The following NKAIN3 variants were observed in gnomAD, a reference collection of about 807,000 sequenced individuals.
NKAIN3 encodes the protein sodium/potassium-transporting ATPase subunit beta-1-interacting protein 3.
Under a neutral mutation model 30.2 loss-of-function variants are expected in NKAIN3, and 25 were observed. That is an observed-to-expected ratio of 0.83 (90% CI 0.60 to 1.16). The LOEUF is 1.16. NKAIN3 is among the 50% of genes most tolerant of loss of function. The probability of loss-of-function intolerance (pLI) is 0.00; values close to 1 mark genes in which losing one functional copy is unlikely to be tolerated. For missense variants in NKAIN3, 225 were observed against 254.1 expected, an observed-to-expected ratio of 0.89 and a Z score of 0.78; for synonymous variants, 91 against 89.6, an observed-to-expected ratio of 1.02 and a Z score of -0.09.
At chr8:62,650,082 A>AG (rs1214714243) in intron 3 of NKAIN3, among the ~76,000 whole-genome samples, 2 of 152,066 alleles carry the variant, frequency 1.3e-5, no homozygotes, top group Non-Finnish European at 2.9e-5. Context: ...TGAAAAAAAA[A>AG]CTGCATTTTG....
chr8:62,789,100 T>C (rs192011072), intron 4 of NKAIN3, among the ~76,000 whole-genome samples: 4,042 of 152,160 alleles, frequency 0.027, 180 homozygotes, highest in African/African-American at 0.091. Flanking sequence ...GGGGATGGCA[T>C]TGAATCTCTA....
At chr8:62,749,669 T>TTTTTC in intron 4 of NKAIN3, among the ~76,000 whole-genome samples, 6 of 136,308 alleles carry the variant, frequency 4.4e-5, no homozygotes, top group African/African-American at 1.6e-4. Flanking sequence ...GAATTGTGCT[T>TTTTTC]TTTTCTTTTC....
intron 1 of NKAIN3, among the ~76,000 whole-genome samples, chr8:62,293,187 T>A (rs74382517): frequency 0.062 from 9,456 of 152,192 alleles, 978 homozygotes; most frequent in African/African-American, 0.21. Context: ...ATCCTCCTTT[T>A]TCTCGGAGAA....
chr8:62,947,525 T>A (rs1471089461), intron 5 of NKAIN3, among the ~76,000 whole-genome samples: 1 of 152,200 alleles, frequency 6.6e-6, no homozygotes, highest in Non-Finnish European at 1.5e-5. Context: ...GTCACAACAG[T>A]ATTTCCTGTC....
intron 3 of NKAIN3, among the ~76,000 whole-genome samples, chr8:62,688,424 G>A (rs1813860502): frequency 6.6e-6 from 1 of 152,102 alleles, no homozygotes; most frequent in Non-Finnish European, 1.5e-5. Context: ...GTAGATGTTT[G>A]CTAAACATTA....
At chr8:62,948,793 CA>C (rs1469969175) in intron 5 of NKAIN3, among the ~76,000 whole-genome samples, 1 of 152,192 alleles carries the variant, frequency 6.6e-6, no homozygotes, top group African/African-American at 2.4e-5. Flanking sequence ...GATCTTGCTT[CA>C]ATTTGCCCAG....
At chr8:62,564,416 A>G (rs1378051563) in intron 1 of NKAIN3, among the ~76,000 whole-genome samples, 1 of 152,124 alleles carries the variant, frequency 6.6e-6, no homozygotes. Flanking sequence ...CCGACCAGGC[A>G]TTTTTAAAGA....
intron 1 of NKAIN3, among the ~76,000 whole-genome samples, chr8:62,299,172 A>T (rs1304603489): frequency 1.3e-5 from 2 of 152,144 alleles, no homozygotes; most frequent in Non-Finnish European, 2.9e-5. Context: ...CAGAAAAAAA[A>T]ATTTGTTGTT....
intron 4 of NKAIN3, among the ~76,000 whole-genome samples, chr8:62,838,356 A>G (rs1037207908): frequency 5.3e-5 from 8 of 152,012 alleles, no homozygotes; most frequent in African/African-American, 1.9e-4. Context: ...ACACACATAC[A>G]CACATATATA....
rs186376738 is a variant in NKAIN3 at position 62,612,308 on chromosome 8, T to C, written c.273+22514T>C. ...TCTGGGTGCTCTCACATTGGGTGCG[T>C]ATATATTTAAAATTGTTATATCCTC... is the stretch of plus-strand genomic sequence containing the variant. On this transcript the variant is annotated intron_variant, in intron 3 of 6. Transcript: ENST00000623646. Among the ~76,000 whole-genome samples, 9 of 152,116 alleles carry C rather than the reference T, an allele frequency of 5.9e-5. No individual in the cohort carries two copies. The East Asian group carries it at 7.7e-4, about 13-fold the overall frequency.
Position 62,880,061 on chromosome 8 carries a change from G to A in NKAIN3, c.472-38392G>A, listed in dbSNP as rs187251467. Among the ~76,000 whole-genome samples, 408 of 152,298 alleles carry A rather than the reference G, an allele frequency of 2.7e-3. 3 individuals are homozygous for A. The highest frequency in any genetic ancestry group is 3.1e-3 in the Non-Finnish European group (212 of 68,016). ...AAGAGATCGCCAGTCCCTACATTAA[G>A]ATGAGCATGTAATACCACATGCCAG... On this transcript the variant is annotated intron_variant, in intron 4 of 6. Coordinates refer to ENST00000623646, the MANE Select transcript of NKAIN3 (RefSeq NM_001304533.3).
chr8:62,780,413 G>A (rs1190041959), intron 4 of NKAIN3, among the ~76,000 whole-genome samples: 1 of 151,950 alleles, frequency 6.6e-6, no homozygotes, highest in African/African-American at 2.4e-5. Context: ...TAAAGAGGAG[G>A]GAATTCTCCC....
chr8:62,756,873 T>C (rs1021236297), intron 4 of NKAIN3, among the ~76,000 whole-genome samples: 1 of 152,176 alleles, frequency 6.6e-6, no homozygotes, highest in Admixed American at 6.6e-5. Flanking sequence ...GAATTCAGTC[T>C]CTTGAGCCCT....
intron 4 of NKAIN3, chr8:62,855,036 TC>T (rs1265821785): frequency 6.5e-6 from 1 of 153,402 alleles, no homozygotes; most frequent in Non-Finnish European, 1.4e-5. Context: ...GAAATTCTTT[TC>T]TTTTTTTTAT....
chr8:62,406,033 A>G (rs755630394), intron 1 of NKAIN3, among the ~76,000 whole-genome samples: 17 of 152,214 alleles, frequency 1.1e-4, no homozygotes, highest in Non-Finnish European at 2.1e-4. Context: ...TTCTTTGATC[A>G]ATATGGCTCA....
intron 1 of NKAIN3, among the ~76,000 whole-genome samples, chr8:62,335,448 A>AAAGAAAG (rs1554668210): frequency 4.0e-5 from 6 of 150,632 alleles, no homozygotes; most frequent in African/African-American, 1.5e-4. Flanking sequence ...AAAAAAAAAA[A>AAAGAAAG]AAAGAAAGAA....
At chr8:62,801,209 C>T (rs1288544326) in intron 4 of NKAIN3, among the ~76,000 whole-genome samples, 2 of 152,232 alleles carry the variant, frequency 1.3e-5, no homozygotes, top group African/African-American at 4.8e-5. Context: ...AACAAAAAGA[C>T]AGCAGTAACC....
chr8:62,298,056 A>G (rs1345086245), intron 1 of NKAIN3, among the ~76,000 whole-genome samples: 1 of 151,838 alleles, frequency 6.6e-6, no homozygotes, highest in Non-Finnish European at 1.5e-5. Context: ...CATCATTCTC[A>G]GTAAACTATC....
At chr8:62,908,716 G>A (rs1821851402) in intron 4 of NKAIN3, among the ~76,000 whole-genome samples, 1 of 152,140 alleles carries the variant, frequency 6.6e-6, no homozygotes, top group Non-Finnish European at 1.5e-5. Context: ...ATGATTGTGA[G>A]GCCTCCTCAG....
Sources: allele counts gnomAD v4.1 joint callset (sites outside exome capture counted in the v4.1 genomes callset), GRCh38; gene constraint gnomAD v4.1.1; transcripts MANE v1.5; gene names NCBI Gene and HGNC (gene_info 2026-07-23, HGNC 2026-07-21).